ERCC3: variants seen among roughly 807,000 people sequenced by gnomAD.
ERCC3 encodes the protein general transcription and DNA repair factor IIH helicase/translocase subunit XPB.
ERCC3 carries 66 observed loss-of-function variants against 94.2 expected under a neutral mutation model. The ratio of observed to expected loss-of-function variants is 0.70; its 90% CI spans 0.57 to 0.86. The LOEUF is 0.86. Among genes scored for constraint, ERCC3 ranks in the 40% least tolerant of loss-of-function variants. The pLI is 0.00. For synonymous variants in ERCC3, 349 were observed against 369.1 expected, an observed-to-expected ratio of 0.95 and a Z score of 0.63; for missense variants, 829 against 987.1, an observed-to-expected ratio of 0.84 and a Z score of 2.15.
intron 8 of ERCC3, among the ~76,000 whole-genome samples, chr2:127,281,288 T>A (rs1320763909): frequency 6.6e-6 from 1 of 151,654 alleles, no homozygotes; most frequent in Admixed American, 6.6e-5. Context: ...CCCACGGGAG[T>A]GATGAAACTC....
At chr2:127,273,075 C>T in intron 10 of ERCC3, 114 bp from the exon 11 acceptor site, 1 of 716,432 alleles carries the variant, frequency 1.4e-6, no homozygotes, top group South Asian at 1.6e-5. Flanking sequence ...AAGCCCTCGT[C>T]ATGTAGGAAT....
rs1684053996 is a variant in ERCC3 at position 127,257,613 on chromosome 2, T to G, written c.2332A>C (p.Lys778Gln). 6.2e-7 allele frequency: 1 copy of G among 1,613,932 alleles called. No homozygotes were observed. Among genetic ancestry groups the G allele is most frequent in the African/African-American group, 1.3e-5 (1 of 74,920 alleles). ...APSKHVHPLF[K>Q]RFRK ...CCTAAGCATCATTTCCTAAAGCGCT[T>G]GAAGAGCGGGTGTACATGTTTGCTG... Residue 778 changes from lysine to glutamine, a missense_variant, in exon 15 of 15, where the codon AAG (lysine) becomes CAG (glutamine). By Grantham distance (53) the Lys-to-Gln change is moderately conservative (BLOSUM62 1). Transcript: ENST00000285398. The surrounding 1 kb of genome is among the most constrained non-coding windows in gnomAD (Gnocchi z 5.4).
intron 1 of ERCC3, 37 bp from the exon 2 acceptor site, chr2:127,293,755 G>A (rs769445383): frequency 6.2e-7 from 1 of 1,605,750 alleles, no homozygotes; most frequent in Non-Finnish European, 8.5e-7. Context: ...CCCAGCAGGA[G>A]CCTTCAGGGT....
chr2:127,279,255 A>G lies in ERCC3; in HGVS notation c.1648T>C (p.Phe550Leu). 6.2e-7 allele frequency: 1 copy of G among 1,613,864 alleles called. No homozygotes were observed. The highest frequency in any genetic ancestry group is 8.5e-7 in the Non-Finnish European group (1 of 1,179,784). ...KFRACQFLIK[F>L]HERRNDKIIV... ...ATCTTGTCATTCCTCCTTTCATGAA[A>G]CTTGATCAGAAACTGGCAAGCTCTA... Residue 550 changes from phenylalanine to leucine, a missense_variant, in exon 10 of 15, where the codon TTT becomes CTT. By Grantham distance (22) the Phe-to-Leu change is conservative (BLOSUM62 0). Coordinates refer to ENST00000285398, the MANE Select transcript of ERCC3 (RefSeq NM_000122.2). This position sits in a 1 kb window ranked among gnomAD's most constrained non-coding sequence, Gnocchi z 4.7.
chr2:127,269,417 C>CTTTTTTT (rs70985445), intron 12 of ERCC3, among the ~76,000 whole-genome samples: 1 of 113,568 alleles, frequency 8.8e-6, no homozygotes, highest in Non-Finnish European at 1.8e-5. Flanking sequence ...ATTCTATTCA[C>CTTTTTTT]TTTTTTTTTT....
chr2:127,284,257 A>C lies in ERCC3; in HGVS notation c.1342+2446T>G, dbSNP rs1382349661. On this transcript the variant is annotated intron_variant, in intron 8 of 14. Transcript: ENST00000285398. This position sits in a 1 kb window ranked among gnomAD's most constrained non-coding sequence, Gnocchi z 4.1. ...TTACAGTGTAAAGTCAACTCATGTC[A>C]TGCTCTGCTCAAATCCCTCAGATGG... is the stretch of plus-strand genomic sequence containing the variant. 6.6e-6 allele frequency: 1 copy of C among 152,280 alleles called. No homozygotes were observed. The highest frequency in any genetic ancestry group is 1.5e-5 in the Non-Finnish European group (1 of 68,088). The allele number at this position is 152,280 out of a possible 1,614,324, so 9.4% of individuals were successfully genotyped here. A position where few individuals can be genotyped will look rare whatever the true frequency, so the allele number is the denominator to read the frequency against.
rs1685346766 is a variant in ERCC3, at chr2:127,293,434, T to C, written c.234+79A>G. 1.4e-5 allele frequency: 18 copies of C among 1,320,758 alleles called. No individual in the cohort carries two copies. The South Asian group carries it at 1.5e-4, about 11-fold the overall frequency. 81.8% of individuals were successfully genotyped at this position (1,320,758 alleles called of 1,614,324 possible). A position where few individuals can be genotyped will look rare whatever the true frequency, so the allele number is the denominator to read the frequency against. On this transcript the variant is annotated intron_variant, in intron 2 of 14. Coordinates refer to ENST00000285398, the MANE Select transcript of ERCC3 (RefSeq NM_000122.2). ...CTAGGGGCAGTATCCTGAATGTCAG[T>C]TTTGACTCTGAGGATGCCCAAGATT...
Position 127,288,691 on chromosome 2 carries a change from A to G in ERCC3, c.996T>C (p.Arg332=). Residue 332 remains arginine (R), a synonymous_variant, in exon 7 of 15, where the codon CGT becomes CGC. Coordinates refer to ENST00000285398, the MANE Select transcript of ERCC3 (RefSeq NM_000122.2). The stretch of plus-strand genomic sequence containing the variant: ...GAAGAACAATGACCCCCGAACGTGC[A>G]CGCCCGTTTCCAAACATCTTTCGCA... ...KSLRKMFGNG[R]ARSGVIVLPC... 1 of 1,614,166 alleles carries G rather than the reference A, an allele frequency of 6.2e-7. No individual in the cohort carries two copies. Among genetic ancestry groups the G allele is most frequent in the African/African-American group, 1.3e-5 (1 of 75,058 alleles).
At position 127,272,878 on chromosome 2, in the gene ERCC3, A is replaced by T. The variant is rs1684605612; in HGVS notation, c.1814T>A (p.Ile605Asn). 6.2e-7 allele frequency: 1 copy of T among 1,612,144 alleles called. No homozygotes were observed. The highest frequency in any genetic ancestry group is 1.1e-5 in the South Asian group (1 of 91,028). The change falls in exon 11 of 15, where the codon ATC (isoleucine) becomes AAC (asparagine). Residue 605 changes from isoleucine (I) to asparagine (N), a missense_variant. Ile to Asn is a moderately radical substitution (Grantham distance 149). Coordinates refer to ENST00000285398, the MANE Select transcript of ERCC3 (RefSeq NM_000122.2). ...NFKHNPKINT[I>N]FISKVGDTSF... ...TGCCACACAAACCTTGGATATGAAG[A>T]TGGTGTTAATTTTGGGGTTGTGCTT...
intron 7 of ERCC3, among the ~76,000 whole-genome samples, chr2:127,287,821 G>C (rs1358991437): frequency 6.6e-6 from 1 of 152,080 alleles, no homozygotes; most frequent in Admixed American, 6.6e-5. Flanking sequence ...TGTGTGTACA[G>C]AGAAAATGAA....
At chr2:127,266,712 T>TA (rs1558949877) in intron 12 of ERCC3, among the ~76,000 whole-genome samples, 1 of 125,354 alleles carries the variant, frequency 8.0e-6, no homozygotes, top group Non-Finnish European at 1.8e-5. Context: ...ATCAATTATT[T>TA]TTTTTTTTTT....
Position 127,274,704 on chromosome 2 carries a change from C to T in ERCC3, c.1731-1743G>A, listed in dbSNP as rs1406098370. On this transcript the variant is annotated intron_variant, in intron 10 of 14. Transcript: ENST00000285398. The surrounding 1 kb of genome is among the most constrained non-coding windows in gnomAD (Gnocchi z 4.0). ...GCAGTGAAAAAGGTTAGAAGCCCCACTCGTCAGAACAGCCTGACTCTTGAG... is the reference window on the plus strand; with the variant it reads ...GCAGTGAAAAAGGTTAGAAGCCCCATTCGTCAGAACAGCCTGACTCTTGAG... Among the ~76,000 whole-genome samples the T allele has an allele frequency of 6.6e-6, 1 of 152,212 alleles. No homozygotes were observed. Among genetic ancestry groups the T allele is most frequent in the East Asian group, 1.9e-4 (1 of 5,198 alleles).
In ERCC3 at chr2:127,291,493, C is replaced by A. The variant is rs530450958; in HGVS notation, c.471+1117G>T. 2.0e-5 allele frequency among the ~76,000 whole-genome samples: 3 copies of A among 152,146 alleles called. No individual in the cohort carries two copies. Among genetic ancestry groups the A allele is most frequent in the Admixed American group, 2.0e-4 (3 of 15,284 alleles). On this transcript the variant is annotated intron_variant, in intron 3 of 14. Coordinates refer to ENST00000285398, the MANE Select transcript of ERCC3 (RefSeq NM_000122.2). The surrounding 1 kb of genome is among the most constrained non-coding windows in gnomAD (Gnocchi z 4.9). ...CCAGGCTGGTCTTGAACTCCTGACC[C>A]CAGGTGGTCCACCCACCTCAGCCAC... is the stretch of plus-strand genomic sequence containing the variant.
Position 127,286,837 on chromosome 2 carries a change from C to T in ERCC3, c.1208G>A (p.Cys403Tyr), listed in dbSNP as rs1685084037. The change falls in exon 8 of 15, where the codon TGC (cysteine) becomes TAC (tyrosine). Residue 403 changes from cysteine to tyrosine, a missense_variant. Cys to Tyr is a radical substitution (Grantham distance 194). Transcript: ENST00000285398. ...GGAGTAGGTGCTAATGGCAACGGAG[C>T]AGCCGATGGGCTTGTCCTTGGCATC... ...TSDAKDKPIG[C>Y]SVAISTYSML... 6.2e-7 allele frequency: 1 copy of T among 1,614,242 alleles called. No homozygotes were observed. The highest frequency in any genetic ancestry group is 8.5e-7 in the Non-Finnish European group (1 of 1,180,048).
intron 12 of ERCC3, among the ~76,000 whole-genome samples, chr2:127,267,209 C>A (rs1684403062): frequency 6.6e-6 from 1 of 152,138 alleles, no homozygotes; most frequent in Non-Finnish European, 1.5e-5. Flanking sequence ...AAATCTCCTA[C>A]CATTGTTGTG....
Position 127,291,419 on chromosome 2 carries a change from C to G in ERCC3, c.472-1146G>C, listed in dbSNP as rs2104779151. ...GGATTACAGGCACCCACCACCATGC[C>G]TGGCGAATTTTTGTATTTTTAGTAG... On this transcript the variant is annotated intron_variant, in intron 3 of 14. Transcript: ENST00000285398. The surrounding 1 kb of genome is among the most constrained non-coding windows in gnomAD (Gnocchi z 4.9). 6.6e-6 allele frequency among the ~76,000 whole-genome samples: 1 copy of G among 152,246 alleles called. No homozygotes were observed. Among genetic ancestry groups the G allele is most frequent in the East Asian group, 1.9e-4 (1 of 5,160 alleles).
chr2:127,275,751 C>A (rs4150474), intron 10 of ERCC3, among the ~76,000 whole-genome samples: 112,649 of 152,170 alleles, frequency 0.74, 41,877 homozygotes, highest in East Asian at 1. Context: ...ACAAACCCAC[C>A]AAGAAAACAG....
At chr2:127,290,037 T>C (rs1405720754) in intron 4 of ERCC3, 187 bp downstream of exon 4, 2 of 764,812 alleles carry the variant, frequency 2.6e-6, no homozygotes, top group African/African-American at 1.7e-5. Context: ...CCAGCTCCAC[T>C]GCTAGAGGAA....
At position 127,279,301 on chromosome 2, in the gene ERCC3, G is replaced by A. The variant is rs1260990473; in HGVS notation, c.1602C>T (p.Tyr534=). ...CTCTAAATTTGTTGGGGTTCATGGTGTACAGCAAGATTCGTTTCTTGGTTT... is the reference window on the plus strand; with the variant it reads ...CTCTAAATTTGTTGGGGTTCATGGTATACAGCAAGATTCGTTTCTTGGTTT... The part of the protein sequence containing the change: ...AIKTKKRILL[Y]TMNPNKFRAC... The change falls in exon 10 of 15, where the codon TAC becomes TAT. Residue 534 remains tyrosine, a synonymous_variant. Coordinates refer to ENST00000285398, the MANE Select transcript of ERCC3 (RefSeq NM_000122.2). The surrounding 1 kb of genome is among the most constrained non-coding windows in gnomAD (Gnocchi z 4.7). 44 of 1,613,928 alleles carry A rather than the reference G, an allele frequency of 2.7e-5. No individual in the cohort carries two copies. Among genetic ancestry groups the A allele is most frequent in the Non-Finnish European group, 3.6e-5 (43 of 1,179,898 alleles).
Sources: allele counts gnomAD v4.1 joint callset (sites outside exome capture counted in the v4.1 genomes callset), GRCh38; gene constraint gnomAD v4.1.1; non-coding constraint Gnocchi (gnomAD v3.1); transcripts MANE v1.5; gene names NCBI Gene and HGNC (gene_info 2026-07-23, HGNC 2026-07-21).